The following SIN3A variants were observed in gnomAD, a reference collection of about 807,000 sequenced individuals.
SIN3A encodes the protein SIN3 transcription regulator family member A.
In SIN3A, 14 loss-of-function variants were observed where a neutral mutation model predicts 146.1. The ratio of observed to expected loss-of-function variants is 0.10; its 90% CI spans 0.06 to 0.15. The LOEUF (loss-of-function observed/expected upper bound fraction) is 0.15, where lower values mean the gene tolerates loss of function less well. Among genes scored for constraint, SIN3A ranks in the 10% least tolerant of loss-of-function variants. SIN3A has a pLI of 1.00. For synonymous variants in SIN3A, 572 were observed against 572.0 expected (o/e 1.00, Z 0.00); for missense variants, 1,028 against 1,576.0 (o/e 0.65, Z 5.89).
At chr15:75,387,472 C>T (rs2073107859) in intron 16 of SIN3A, among the ~76,000 whole-genome samples, 1 of 143,228 alleles carries the variant, frequency 7.0e-6, no homozygotes, top group African/African-American at 2.7e-5. Context: ...TGCACTCCAG[C>T]CTGGGCAATA....
chr15:75,379,164 C>T lies in SIN3A; in HGVS notation c.3383+1465G>A, dbSNP rs977404008. 5.3e-5 allele frequency among the ~76,000 whole-genome samples: 8 copies of T among 152,298 alleles called. No individual in the cohort carries two copies. In the East Asian group the frequency reaches 7.7e-4, roughly 15 times the overall value. ...TCCACAGCCTCGGCCTCCCAAAGTGCTGGAGTTACAGGCGTGAGCCACTGC... is the reference window on the plus strand; with the variant it reads ...TCCACAGCCTCGGCCTCCCAAAGTGTTGGAGTTACAGGCGTGAGCCACTGC... On this transcript the variant is annotated intron_variant, in intron 19 of 20. Transcript: ENST00000394947.
chr15:75,444,721 C>A (rs1460325115), intron 1 of SIN3A, among the ~76,000 whole-genome samples: 1 of 152,076 alleles, frequency 6.6e-6, no homozygotes, highest in Non-Finnish European at 1.5e-5. Context: ...CCAGACATTT[C>A]TTACTACTGT....
At chr15:75,376,695 A>C (rs1276667219) in intron 19 of SIN3A, among the ~76,000 whole-genome samples, 1 of 25,866 alleles carries the variant, frequency 3.9e-5, no homozygotes, top group Non-Finnish European at 6.8e-5. Context: ...CCTTCTCTAC[A>C]AAAAAAAAAA....
intron 1 of SIN3A, among the ~76,000 whole-genome samples, chr15:75,450,489 C>A (rs1320016170): frequency 6.6e-6 from 1 of 152,212 alleles, no homozygotes; most frequent in African/African-American, 2.4e-5. Flanking sequence ...CCTACCATCA[C>A]CACCGCGGAT....
intron 1 of SIN3A, among the ~76,000 whole-genome samples, chr15:75,431,972 ACTT>A (rs1242674830): frequency 1.3e-5 from 2 of 152,172 alleles, no homozygotes; most frequent in Admixed American, 1.3e-4. Context: ...GGCCTATATA[ACTT>A]CAGACTAAGT....
intron 1 of SIN3A, among the ~76,000 whole-genome samples, chr15:75,441,753 T>A (rs530094069): frequency 6.6e-6 from 1 of 152,186 alleles, no homozygotes; most frequent in Non-Finnish European, 1.5e-5. Context: ...CATAATTTTG[T>A]TGGAGAGAAC....
chr15:75,405,708 G>A (rs534608330), intron 9 of SIN3A, among the ~76,000 whole-genome samples: 16 of 152,034 alleles, frequency 1.1e-4, no homozygotes, highest in Non-Finnish European at 1.8e-4. Context: ...CCAAGATTGC[G>A]CCATTGCACT....
In SIN3A at chr15:75,386,072, G is replaced by A. The variant is rs369624831; in HGVS notation, c.3022-1635C>T. On this transcript the variant is annotated intron_variant, in intron 16 of 20. Coordinates refer to ENST00000394947, the MANE Select transcript of SIN3A (RefSeq NM_001145358.2). Reference sequence around the variant, plus strand: ...GTCTCGCTCTGTCGCCCAGGCTGGAGTGCAGTGGCATCGTGATCTTGGCTC... The same window carrying A: ...GTCTCGCTCTGTCGCCCAGGCTGGAATGCAGTGGCATCGTGATCTTGGCTC... 4.6e-5 allele frequency among the ~76,000 whole-genome samples: 7 copies of A among 152,330 alleles called. No homozygotes were observed. The South Asian group carries it at 1.0e-3, about 23-fold the overall frequency.
chr15:75,441,050 G>A lies in SIN3A; in HGVS notation c.-34+10373C>T, dbSNP rs535976447. Among the ~76,000 whole-genome samples, 4 of 151,524 alleles carry A rather than the reference G, an allele frequency of 2.6e-5. No homozygotes were observed. The South Asian group carries it at 8.3e-4, about 32-fold the overall frequency. The stretch of plus-strand genomic sequence containing the variant: ...TGGCCAGGTGCAGTGGCTCACGCCT[G>A]TAATCTCAGTACTTTGGGAGGCCAA... On this transcript the variant is annotated intron_variant, in intron 1 of 20. Transcript: ENST00000394947.
Position 75,427,553 on chromosome 15 carries a change from G to A in SIN3A, c.189+2634C>T, listed in dbSNP as rs551204806. ...TGCACGCCTGTAATCCCAGCTACTCGGGAGGCTGAGGCAAGAGAATCGCTT... is the reference window on the plus strand; with the variant it reads ...TGCACGCCTGTAATCCCAGCTACTCAGGAGGCTGAGGCAAGAGAATCGCTT... On this transcript the variant is annotated intron_variant, in intron 2 of 20. Coordinates refer to ENST00000394947, the MANE Select transcript of SIN3A (RefSeq NM_001145358.2). Among the ~76,000 whole-genome samples, 94 of 151,892 alleles carry A rather than the reference G, an allele frequency of 6.2e-4. No homozygotes were observed. In the South Asian group the frequency reaches 0.017, roughly 27 times the overall value.
chr15:75,435,217 A>G (rs1025490514), intron 1 of SIN3A, among the ~76,000 whole-genome samples: 2 of 152,198 alleles, frequency 1.3e-5, no homozygotes, highest in Admixed American at 6.6e-5. Flanking sequence ...TGAAACTATC[A>G]ATTCCACTTT....
chr15:75,452,173 GGCCA>G (rs1258338156), upstream of SIN3A, among the ~76,000 whole-genome samples: 5 of 152,172 alleles, frequency 3.3e-5, no homozygotes, highest in Non-Finnish European at 5.9e-5. Context: ...CGCACTGCCG[GGCCA>G]GGCCCCGCCC....
At position 75,412,755 on chromosome 15, in the gene SIN3A, G is replaced by A. The variant is rs2073664579; in HGVS notation, c.756+8C>T. 1.3e-6 allele frequency: 2 copies of A among 1,561,590 alleles called. No individual in the cohort carries two copies. The highest frequency in any genetic ancestry group is 1.7e-6 in the Non-Finnish European group (2 of 1,154,454). On this transcript the variant is annotated splice_region_variant and intron_variant, in intron 5 of 20. Transcript: ENST00000394947. ...TTCATATTGATGCAATATTTTCCAA[G>A]TGCTCACCTTGCTGACTTTGGCAGG...
chr15:75,434,825 G>A (rs2074077293), intron 1 of SIN3A, among the ~76,000 whole-genome samples: 1 of 151,028 alleles, frequency 6.6e-6, no homozygotes, highest in Non-Finnish European at 1.5e-5. Flanking sequence ...GTGCATGCCT[G>A]TAATCCCAGC....
intron 19 of SIN3A, among the ~76,000 whole-genome samples, chr15:75,379,990 G>A (rs561866902): frequency 4.7e-4 from 72 of 152,146 alleles, no homozygotes; most frequent in Non-Finnish European, 1.0e-3. Context: ...TCATATAAGT[G>A]TCTCACTGTA....
intron 1 of SIN3A, among the ~76,000 whole-genome samples, chr15:75,438,137 G>C (rs1256369839): frequency 6.6e-6 from 1 of 152,170 alleles, no homozygotes; most frequent in Non-Finnish European, 1.5e-5. Flanking sequence ...GAGGCAGGCG[G>C]ATCACTTGAG....
chr15:75,449,147 C>T (rs2074357935), intron 1 of SIN3A, among the ~76,000 whole-genome samples: 2 of 152,192 alleles, frequency 1.3e-5, no homozygotes, highest in Non-Finnish European at 2.9e-5. Context: ...GTCAATCGTT[C>T]TCCACTATCT....
At chr15:75,409,600 G>A (rs954823411) in intron 8 of SIN3A, among the ~76,000 whole-genome samples, 2 of 151,458 alleles carry the variant, frequency 1.3e-5, no homozygotes, top group African/African-American at 2.4e-5. Context: ...GGTGGCATGC[G>A]CCTGTAGTCC....
chr15:75,383,551 C>T (rs1322870912), intron 17 of SIN3A, among the ~76,000 whole-genome samples: 6 of 147,400 alleles, frequency 4.1e-5, no homozygotes, highest in Middle Eastern at 3.4e-3. Flanking sequence ...TTTTTTGAGA[C>T]GGAGTCTCGC....
Sources: allele counts gnomAD v4.1 joint callset (sites outside exome capture counted in the v4.1 genomes callset), GRCh38; gene constraint gnomAD v4.1.1; transcripts MANE v1.5; gene names NCBI Gene and HGNC (gene_info 2026-07-23, HGNC 2026-07-21).